Variants in HROB observed in about 807,000 individuals in gnomAD.
HROB encodes the protein homologous recombination factor with OB-fold, also known as homologous recombination OB-fold protein.
In HROB, 44 loss-of-function variants were observed where a neutral mutation model predicts 61.0. The ratio of observed to expected loss-of-function variants is 0.72; its 90% confidence interval spans 0.57 to 0.93. HROB has a LOEUF of 0.93. Ranked by LOEUF, HROB falls within the 40% of genes least tolerant of loss-of-function variation. The probability of loss-of-function intolerance (pLI) is 0.00; values close to 1 mark genes in which losing one functional copy is unlikely to be tolerated. For missense variants in HROB, 716 were observed against 796.2 expected, an observed-to-expected ratio of 0.90 and a Z score of 1.21; for synonymous variants, 301 against 310.4, an observed-to-expected ratio of 0.97 and a Z score of 0.32.
intron 1 of HROB, among the ~76,000 whole-genome samples, chr17:44,142,829 G>A (rs1172631088): frequency 1.3e-5 from 2 of 152,174 alleles, no homozygotes; most frequent in Non-Finnish European, 2.9e-5. Context: ...GACATGTTTG[G>A]ATTTATGGTA....
rs935918281 is a variant in HROB at position 44,145,186 on chromosome 17, G to T, written c.4-17G>T. 1.1e-5 allele frequency: 18 copies of T among 1,613,074 alleles called. No homozygotes were observed. The highest frequency in any genetic ancestry group is 6.7e-5 in the African/African-American group (5 of 74,856). ...AAATGGTATTTCTCAACCCCAGTTG[G>T]TTTTTTTTCTTTTCAGGCGTGCAGT... On this transcript the variant is annotated splice_polypyrimidine_tract_variant and intron_variant, in intron 1 of 9. Transcript: ENST00000585683.
chr17:44,153,294 A>C (rs966763018), intron 5 of HROB, among the ~76,000 whole-genome samples: 1 of 149,282 alleles, frequency 6.7e-6, no homozygotes, highest in African/African-American at 2.4e-5. Flanking sequence ...AAAAAATACA[A>C]AAAAAAAAAA....
At chr17:44,157,604 G>A (rs936620724) in intron 8 of HROB, among the ~76,000 whole-genome samples, 1 of 151,866 alleles carries the variant, frequency 6.6e-6, no homozygotes, top group African/African-American at 2.4e-5. Context: ...TAGTAGAGAT[G>A]TGGTTTCACC....
At chr17:44,154,403 G>C in intron 5 of HROB, 153 bp from the exon 6 acceptor site, 1 of 661,226 alleles carries the variant, frequency 1.5e-6, no homozygotes, top group Non-Finnish European at 2.7e-6. Flanking sequence ...CTGTCAGAGA[G>C]AGATGGGGTA....
At chr17:44,161,472 A>G (rs546492723) in intron 9 of HROB, among the ~76,000 whole-genome samples, 1 of 152,310 alleles carries the variant, frequency 6.6e-6, no homozygotes, top group African/African-American at 2.4e-5. Flanking sequence ...CCAATTAAGG[A>G]ACTGTGTAAC....
chr17:44,152,973 A>AGG (rs1445722456), intron 5 of HROB, among the ~76,000 whole-genome samples, 196 bp downstream of exon 5: 1 of 152,144 alleles, frequency 6.6e-6, no homozygotes, highest in Non-Finnish European at 1.5e-5. Flanking sequence ...CCCAGGTGGA[A>AGG]GGAGAGAGTG....
chr17:44,144,572 G>A (rs2053556827), intron 1 of HROB, among the ~76,000 whole-genome samples: 1 of 151,250 alleles, frequency 6.6e-6, no homozygotes, highest in African/African-American at 2.4e-5. Flanking sequence ...CACCGTGCCT[G>A]GCAGAAAGTG....
At chr17:44,147,255 C>T (rs752398383) in intron 2 of HROB, among the ~76,000 whole-genome samples, 14 of 152,014 alleles carry the variant, frequency 9.2e-5, no homozygotes, top group Non-Finnish European at 1.9e-4. Context: ...TCCTGCTGTT[C>T]TCCTCTAACT....
chr17:44,146,651 C>T (rs893199762), intron 2 of HROB, among the ~76,000 whole-genome samples: 9 of 152,118 alleles, frequency 5.9e-5, no homozygotes, highest in Admixed American at 2.0e-4. Context: ...GACCATCAAC[C>T]TCCAGAGTCA....
intron 8 of HROB, among the ~76,000 whole-genome samples, chr17:44,156,225 CTTTT>C (rs1357498416): frequency 6.6e-6 from 1 of 152,002 alleles, no homozygotes; most frequent in African/African-American, 2.4e-5. Context: ...TAAACCCTTT[CTTTT>C]TCTTTCTTTT....
At position 44,154,778 on chromosome 17, in the gene HROB, C is replaced by G. The variant is rs748427561; in HGVS notation, c.1559-75C>G. ...GAAAACTGAGGCAGTGAGCAGCCCA[C>G]TTCCCAGCCAGGGCCCATACCAGTC... On this transcript the variant is annotated intron_variant, in intron 6 of 9. Transcript: ENST00000585683. 5.6e-6 allele frequency: 9 copies of G among 1,595,338 alleles called. No homozygotes were observed. The African/African-American group carries it at 1.2e-4, about 21-fold the overall frequency.
At chr17:44,143,051 C>A (rs1267303647) in intron 1 of HROB, among the ~76,000 whole-genome samples, 1 of 152,190 alleles carries the variant, frequency 6.6e-6, no homozygotes, top group African/African-American at 2.4e-5. Flanking sequence ...ATTCTCCTGC[C>A]TTAGACTCCC....
At position 44,141,955 on chromosome 17, in the gene HROB, T is replaced by C. The variant is rs1021662159; in HGVS notation, c.-188T>C. The C allele has an allele frequency of 1.3e-6, 1 of 756,288 alleles. No individual in the cohort carries two copies. Among genetic ancestry groups the C allele is most frequent in the African/African-American group, 1.9e-5 (1 of 53,554 alleles). 46.8% of individuals were successfully genotyped at this position (756,288 alleles called of 1,614,324 possible). On this transcript the variant is annotated 5_prime_UTR_variant, in exon 1 of 10. Transcript: ENST00000585683. ...AGTGGCGGCGTCTTCGAATGCGGCCTAAGGCGCCTGCCGCCAGTCTCCTGG... is the reference window on the plus strand; with the variant it reads ...AGTGGCGGCGTCTTCGAATGCGGCCCAAGGCGCCTGCCGCCAGTCTCCTGG...
At chr17:44,155,145 G>A in intron 7 of HROB, 141 bp from the exon 8 acceptor site, 2 of 1,372,730 alleles carry the variant, frequency 1.5e-6, no homozygotes, top group Non-Finnish European at 1.0e-6. Context: ...TTGTGTTAAG[G>A]GGAGATTGTG....
In HROB at chr17:44,148,441, C is replaced by T; in HGVS notation, c.638C>T (p.Pro213Leu). 6.2e-7 allele frequency: 1 copy of T among 1,614,148 alleles called. No homozygotes were observed. Among genetic ancestry groups the T allele is most frequent in the Non-Finnish European group, 8.5e-7 (1 of 1,180,028 alleles). Residue 213 changes from proline to leucine, a missense_variant, in exon 3 of 10, where the codon CCT becomes CTT. By Grantham distance (98) the Pro-to-Leu change is moderately conservative (BLOSUM62 -3). Transcript: ENST00000585683. ...CTGAGTGGATCTTGCCAGAAGGGGCCTGTGCCTGCCATCCACAAAGCGGGT... is the reference window on the plus strand; with the variant it reads ...CTGAGTGGATCTTGCCAGAAGGGGCTTGTGCCTGCCATCCACAAAGCGGGT... ...VDLSGSCQKG[P>L]VPAIHKAGIM...
At chr17:44,150,461 C>T (rs185689055) in intron 3 of HROB, among the ~76,000 whole-genome samples, 1 of 151,684 alleles carries the variant, frequency 6.6e-6, no homozygotes, top group African/African-American at 2.4e-5. Flanking sequence ...ACAATCTCGG[C>T]TCACTGCAAC....
chr17:44,156,625 C>G (rs1301206035), intron 8 of HROB, among the ~76,000 whole-genome samples: 1 of 151,786 alleles, frequency 6.6e-6, no homozygotes, highest in African/African-American at 2.4e-5. Context: ...CTCCTATTTC[C>G]TAGGACTAAC....
At chr17:44,149,254 CTTT>C (rs11355829) in intron 3 of HROB, among the ~76,000 whole-genome samples, 1 of 147,566 alleles carries the variant, frequency 6.8e-6, no homozygotes, top group Non-Finnish European at 1.5e-5. Flanking sequence ...TTTTCTTCTC[CTTT>C]TTTTTTTTTG....
At chr17:44,149,669 A>G (rs2143938336) in intron 3 of HROB, among the ~76,000 whole-genome samples, 1 of 152,244 alleles carries the variant, frequency 6.6e-6, no homozygotes, top group South Asian at 2.1e-4. Flanking sequence ...CCTCCCATAT[A>G]GCTGGGACTA....
Sources: allele counts gnomAD v4.1 joint callset (sites outside exome capture counted in the v4.1 genomes callset), GRCh38; gene constraint gnomAD v4.1.1; transcripts MANE v1.5; gene names NCBI Gene and HGNC (gene_info 2026-07-23, HGNC 2026-07-21).